Variants in CBL observed in about 807,000 individuals in gnomAD.
The protein encoded by CBL is E3 ubiquitin-protein ligase CBL.
A neutral mutation model predicts 96.9 loss-of-function variants in CBL; 45 were observed. The observed-to-expected ratio is 0.46, with a 90% CI of 0.37 to 0.60. The LOEUF is 0.60. CBL is among the 20% of genes least tolerant of loss of function. The probability of loss-of-function intolerance (pLI) is 0.00; values close to 1 mark genes in which losing one functional copy is unlikely to be tolerated. For synonymous variants in CBL, 420 were observed against 426.8 expected, an observed-to-expected ratio of 0.98 and a Z score of 0.20; for missense variants, 1,024 against 1,143.5, an observed-to-expected ratio of 0.90 and a Z score of 1.51.
At chr11:119,209,392 C>G (rs549468205) in intron 1 of CBL, among the ~76,000 whole-genome samples, 2 of 152,094 alleles carry the variant, frequency 1.3e-5, no homozygotes, top group Non-Finnish European at 2.9e-5. Flanking sequence ...CCGAGGTGGG[C>G]GGCTCACTTG....
chr11:119,237,156 A>C (rs1380507904), intron 2 of CBL, among the ~76,000 whole-genome samples: 1 of 152,368 alleles, frequency 6.6e-6, no homozygotes, highest in East Asian at 1.9e-4. Context: ...CACAGGGTTC[A>C]GTACTATCTG....
At position 119,216,709 on chromosome 11, in the gene CBL, A is replaced by G. The variant is rs1406359750; in HGVS notation, c.195+10097A>G. Among the ~76,000 whole-genome samples the G allele has an allele frequency of 2.6e-5, 4 of 152,194 alleles. No individual in the cohort carries two copies. In the East Asian group the frequency reaches 5.8e-4, roughly 22 times the overall value. On this transcript the variant is annotated intron_variant, in intron 1 of 15. Coordinates refer to ENST00000264033, the MANE Select transcript of CBL (RefSeq NM_005188.4). ...TAAACAGCAGCACATAACTGTAGCA[A>G]TCTTTGAGAAAACCAAAAACAATTT...
In CBL at chr11:119,304,668, C is replaced by T. The variant is rs546664119; in HGVS notation, c.*4887C>T. The T allele has an allele frequency of 2.4e-4, 50 of 209,632 alleles. No individual in the cohort carries two copies. Among genetic ancestry groups the T allele is most frequent in the African/African-American group, 9.8e-4 (43 of 43,986 alleles). 13.0% of individuals were successfully genotyped at this position (209,632 alleles called of 1,614,324 possible). ...TTGAGATGGAGTCTCGCTGTGTCGCCCAGGCTGGAGTGCAGTGGTGCAGTC... is the reference window on the plus strand; with the variant it reads ...TTGAGATGGAGTCTCGCTGTGTCGCTCAGGCTGGAGTGCAGTGGTGCAGTC... On this transcript the variant is annotated 3_prime_UTR_variant, in exon 16 of 16. Coordinates refer to ENST00000264033, the MANE Select transcript of CBL (RefSeq NM_005188.4).
intron 3 of CBL, among the ~76,000 whole-genome samples, chr11:119,272,982 T>A (rs1949860304): frequency 7.6e-6 from 1 of 131,348 alleles, no homozygotes; most frequent in Non-Finnish European, 1.7e-5. Context: ...GTCGTTTTAT[T>A]TTTTTTTTTT....
intron 2 of CBL, among the ~76,000 whole-genome samples, chr11:119,254,685 T>C (rs966244787): frequency 3.8e-4 from 58 of 152,060 alleles, no homozygotes; most frequent in Admixed American, 3.3e-4. Flanking sequence ...CACGGCAGCC[T>C]CCGCCTCCCA....
chr11:119,229,498 C>T (rs1164546363), intron 1 of CBL, among the ~76,000 whole-genome samples: 7 of 151,970 alleles, frequency 4.6e-5, no homozygotes, highest in African/African-American at 1.7e-4. Context: ...GCCTTTAATC[C>T]CGGCTATTCA....
chr11:119,297,566 C>A, intron 14 of CBL, 85 bp downstream of exon 14: 1 of 1,015,518 alleles, frequency 9.8e-7, no homozygotes, highest in Non-Finnish European at 1.5e-6. Flanking sequence ...ATAGCTTGAT[C>A]TAAGCTCAAA....
At chr11:119,282,388 T>C (rs1055542222) in intron 9 of CBL, among the ~76,000 whole-genome samples, 3 of 150,492 alleles carry the variant, frequency 2.0e-5, no homozygotes, top group African/African-American at 7.3e-5. Context: ...TGTTGAGACA[T>C]GAATGTAAAA....
rs1433717520 is a variant in CBL at position 119,298,502 on chromosome 11, C to T, written c.2396C>T (p.Ser799Phe). 6.2e-7 allele frequency: 1 copy of T among 1,614,184 alleles called. No individual in the cohort carries two copies. The highest frequency in any genetic ancestry group is 1.3e-5 in the African/African-American group (1 of 75,042). ...TLSDISNASS[S>F]FGWLSLDGDP... The stretch of plus-strand genomic sequence containing the variant: ...TCAGATATCTCTAATGCCAGCTCCT[C>T]CTTTGGCTGGTTGTCTCTGGATGGT... Residue 799 changes from serine (S) to phenylalanine (F), a missense_variant, in exon 15 of 16, where the codon TCC (serine) becomes TTC (phenylalanine). Coordinates refer to ENST00000264033, the MANE Select transcript of CBL (RefSeq NM_005188.4).
intron 3 of CBL, 33 bp from the exon 4 acceptor site, chr11:119,273,835 T>C (rs1311400033): frequency 1.3e-6 from 2 of 1,599,614 alleles, no homozygotes; most frequent in African/African-American, 2.7e-5. Context: ...CTCTGTTATT[T>C]CACTTTATGC....
intron 2 of CBL, among the ~76,000 whole-genome samples, chr11:119,253,874 C>T (rs182106699): frequency 6.6e-6 from 1 of 151,102 alleles, no homozygotes; most frequent in African/African-American, 2.4e-5. Flanking sequence ...ATATCATCAG[C>T]CAGTCTTGTT....
chr11:119,241,828 G>A (rs1471582095), intron 2 of CBL, among the ~76,000 whole-genome samples: 2 of 152,176 alleles, frequency 1.3e-5, no homozygotes, highest in African/African-American at 4.8e-5. Context: ...TGATGGCTTG[G>A]ACCAAAGTGA....
chr11:119,222,386 A>C (rs1242818642), intron 1 of CBL, among the ~76,000 whole-genome samples: 1 of 152,174 alleles, frequency 6.6e-6, no homozygotes, highest in Non-Finnish European at 1.5e-5. Flanking sequence ...TTTTCTATTG[A>C]CCATTGAGTC....
intron 3 of CBL, among the ~76,000 whole-genome samples, chr11:119,272,727 C>T (rs1343307728): frequency 1.3e-5 from 2 of 152,072 alleles, no homozygotes; most frequent in Non-Finnish European, 2.9e-5. Context: ...CCTTTATGAC[C>T]AGTCAAGATT....
At chr11:119,240,202 C>T (rs1237344043) in intron 2 of CBL, among the ~76,000 whole-genome samples, 1 of 151,380 alleles carries the variant, frequency 6.6e-6, no homozygotes, top group Non-Finnish European at 1.5e-5. Flanking sequence ...GGCTAAGGCA[C>T]GAGAATTGCT....
At chr11:119,255,488 A>T (rs1402120893) in intron 2 of CBL, among the ~76,000 whole-genome samples, 2 of 152,186 alleles carry the variant, frequency 1.3e-5, no homozygotes, top group Admixed American at 1.3e-4. Flanking sequence ...AAATTTGCAA[A>T]GTTAAACCAT....
At chr11:119,265,880 G>T (rs1949798829) in intron 2 of CBL, among the ~76,000 whole-genome samples, 2 of 151,986 alleles carry the variant, frequency 1.3e-5, no homozygotes, top group African/African-American at 4.8e-5. Flanking sequence ...AAATTAACCG[G>T]GCGTGGTGGT....
At chr11:119,261,678 T>C (rs1949755366) in intron 2 of CBL, among the ~76,000 whole-genome samples, 2 of 152,216 alleles carry the variant, frequency 1.3e-5, no homozygotes, top group South Asian at 4.1e-4. Context: ...ATGCTTTCAA[T>C]TGTGGGCAAA....
At chr11:119,287,703 C>T in intron 11 of CBL, 149 bp from the exon 12 acceptor site, 1 of 686,290 alleles carries the variant, frequency 1.5e-6, no homozygotes, top group Non-Finnish European at 2.7e-6. Context: ...CTTAAGGCCC[C>T]TAAGCGTTTG....
Sources: allele counts gnomAD v4.1 joint callset (sites outside exome capture counted in the v4.1 genomes callset), GRCh38; gene constraint gnomAD v4.1.1; transcripts MANE v1.5; gene names NCBI Gene and HGNC (gene_info 2026-07-23, HGNC 2026-07-21).